Variants in CFAP276 observed in about 807,000 individuals in gnomAD.
The protein encoded by CFAP276 is cilia- and flagella-associated protein 276.
At chr1:109,107,968 G>T in the CFAP276 span, 3 of 1,603,278 alleles carry the variant, frequency 1.9e-6, no homozygotes, top group Non-Finnish European at 2.6e-6. Flanking sequence ...GTAATTGTGG[G>T]GGTTGAGTTG....
chr1:109,109,168 G>A, the CFAP276 span, among the ~76,000 whole-genome samples: 2 of 152,036 alleles, frequency 1.3e-5, no homozygotes, highest in Non-Finnish European at 2.9e-5. Flanking sequence ...TAGAACTCTC[G>A]CTGGGTGCAG....
chr1:109,110,684 A>G, the CFAP276 span, among the ~76,000 whole-genome samples: 23 of 152,306 alleles, frequency 1.5e-4, 1 homozygote, highest in East Asian at 2.3e-3. Context: ...CATGGCTTCA[A>G]CTACCATATG....
the CFAP276 span, chr1:109,107,040 A>G: frequency 1.9e-6 from 3 of 1,614,144 alleles, no homozygotes; most frequent in South Asian, 1.1e-5. Context: ...CTGGTTTAAC[A>G]GTATCTCACT....
chr1:109,106,682 A>C, the CFAP276 span: 1 of 1,610,336 alleles, frequency 6.2e-7, no homozygotes, highest in African/African-American at 1.3e-5. Flanking sequence ...ATAGGGAAGA[A>C]AAGTGGAGAG....
At chr1:109,107,923 C>G in the CFAP276 span, 1 of 1,603,588 alleles carries the variant, frequency 6.2e-7, no homozygotes, top group Non-Finnish European at 8.5e-7. Flanking sequence ...CTAGGTACCT[C>G]GGGATCAAAA....
At chr1:109,106,640 C>CA in the CFAP276 span, 3 of 1,613,564 alleles carry the variant, frequency 1.9e-6, no homozygotes, top group Non-Finnish European at 2.5e-6. Context: ...AAAAATTCTC[C>CA]AGGGAATTGG....
the CFAP276 span, chr1:109,107,862 G>GAA: frequency 1.8e-3 from 2,117 of 1,205,746 alleles, no homozygotes; most frequent in East Asian, 5.5e-3. Context: ...TGGGTGACAG[G>GAA]AAAAAAAAAA....
the CFAP276 span, among the ~76,000 whole-genome samples, chr1:109,111,675 A>G: frequency 3.3e-3 from 497 of 152,010 alleles, 4 homozygotes; most frequent in African/African-American, 0.011. Context: ...TCTCCTTTCC[A>G]TGTATTTGCA....
chr1:109,112,649 GC>G, the CFAP276 span: 1 of 1,550,590 alleles, frequency 6.4e-7, no homozygotes, highest in Non-Finnish European at 8.7e-7. Context: ...TCTAATGTAG[GC>G]TGCTGGAAAG....
chr1:109,113,432 GAGAGA>G, the CFAP276 span, among the ~76,000 whole-genome samples: 2 of 121,434 alleles, frequency 1.6e-5, no homozygotes, highest in Non-Finnish European at 3.7e-5. Context: ...GAGAGAGAGA[GAGAGA>G]GAGAGAGAGA....
the CFAP276 span, among the ~76,000 whole-genome samples, chr1:109,107,686 T>C: frequency 6.7e-6 from 1 of 150,282 alleles, no homozygotes; most frequent in East Asian, 2.0e-4. Flanking sequence ...GCCAGGAGTT[T>C]GAGATCAGCC....
At chr1:109,110,311 C>T in the CFAP276 span, among the ~76,000 whole-genome samples, 1 of 152,174 alleles carries the variant, frequency 6.6e-6, no homozygotes, top group Non-Finnish European at 1.5e-5. Context: ...ACTATCTCTA[C>T]TTCCTCACTC....
At chr1:109,110,272 G>A in the CFAP276 span, among the ~76,000 whole-genome samples, 1 of 152,204 alleles carries the variant, frequency 6.6e-6, no homozygotes, top group East Asian at 1.9e-4. Flanking sequence ...CTTCCCTACA[G>A]AACCAGACCT....
chr1:109,109,902 TGAAA>T, the CFAP276 span, among the ~76,000 whole-genome samples: 1 of 152,092 alleles, frequency 6.6e-6, no homozygotes, highest in Non-Finnish European at 1.5e-5. Flanking sequence ...GAATGAAGTA[TGAAA>T]GAAAGAAAGC....
the CFAP276 span, chr1:109,107,200 C>G: frequency 1.8e-6 from 2 of 1,105,122 alleles, no homozygotes; most frequent in Non-Finnish European, 2.7e-6. Context: ...GTGCTCTACT[C>G]TTCCCCAAAA....
the CFAP276 span, among the ~76,000 whole-genome samples, chr1:109,113,416 A>AAGAG: frequency 0.018 from 1,234 of 67,986 alleles, 55 homozygotes; most frequent in Non-Finnish European, 0.021. Context: ...GAGAGAGAGA[A>AAGAG]AGAGAGAGAG....
the CFAP276 span, among the ~76,000 whole-genome samples, chr1:109,111,755 C>G: frequency 6.6e-6 from 1 of 152,180 alleles, no homozygotes; most frequent in Non-Finnish European, 1.5e-5. Context: ...CTATCCACTC[C>G]CTCACCTGGC....
the CFAP276 span, chr1:109,106,994 C>G: frequency 1.9e-3 from 3,001 of 1,599,196 alleles, 43 homozygotes; most frequent in African/African-American, 0.03. Context: ...GAGGCTCTGC[C>G]TCTACCACTT....
the CFAP276 span, chr1:109,106,012 C>T: frequency 6.3e-7 from 1 of 1,599,062 alleles, no homozygotes; most frequent in Non-Finnish European, 8.5e-7. Context: ...ATAATTAGTT[C>T]AGGGATCTGT....
Sources: allele counts gnomAD v4.1 joint callset (sites outside exome capture counted in the v4.1 genomes callset), GRCh38; gene constraint gnomAD v4.1.1; transcripts MANE v1.5; gene names NCBI Gene and HGNC (gene_info 2026-07-23, HGNC 2026-07-21).